GREM2: variants seen among roughly 807,000 people sequenced by gnomAD.
GREM2 encodes gremlin 2, DAN family BMP antagonist.
In GREM2, 11 loss-of-function variants were observed where a neutral mutation model predicts 14.2. The ratio of observed to expected loss-of-function variants is 0.78; its 90% CI spans 0.49 to 1.28. GREM2 has a LOEUF of 1.28. Among genes scored for constraint, GREM2 ranks in the 50% most tolerant of loss-of-function variants. GREM2 has a pLI of 0.00. For missense variants in GREM2, 210 were observed against 218.5 expected (o/e 0.96, Z 0.24); for synonymous variants, 98 against 97.6 (o/e 1.00, Z -0.02).
chr1:240,565,527 G>A (rs1656192617), intron 1 of GREM2, among the ~76,000 whole-genome samples: 1 of 151,924 alleles, frequency 6.6e-6, no homozygotes, highest in Admixed American at 6.6e-5. Flanking sequence ...GGTCTGTTGG[G>A]TACGATCATT....
At chr1:240,544,124 T>G (rs895238261) in intron 1 of GREM2, among the ~76,000 whole-genome samples, 1 of 151,352 alleles carries the variant, frequency 6.6e-6, no homozygotes, top group Non-Finnish European at 1.5e-5. Context: ...AGAAAGACTG[T>G]GCATAGATTA....
chr1:240,569,198 A>G (rs1309164128), intron 1 of GREM2, among the ~76,000 whole-genome samples: 1 of 152,264 alleles, frequency 6.6e-6, no homozygotes, highest in Non-Finnish European at 1.5e-5. Flanking sequence ...GAGAAATTAA[A>G]GAAGACTTAA....
At chr1:240,598,638 G>T (rs545147337) in intron 1 of GREM2, among the ~76,000 whole-genome samples, 35 of 152,150 alleles carry the variant, frequency 2.3e-4, no homozygotes, top group Non-Finnish European at 3.4e-4. Context: ...TTAGGAGTTA[G>T]TTTTTTTTAT....
rs1677258102 is a variant in GREM2 at position 240,491,800 on chromosome 1, C to T, written c.*1169G>A. On this transcript the variant is annotated 3_prime_UTR_variant, in exon 2 of 2. Coordinates refer to ENST00000318160, the MANE Select transcript of GREM2 (RefSeq NM_022469.4). ...AGTATACGGTTTCACCCCACATATG[C>T]ATATTCCACATTATAGGGGCTTTCT... 6.5e-6 allele frequency: 1 copy of T among 152,726 alleles called. No individual in the cohort carries two copies. The allele number at this position is 152,726 out of a possible 1,614,324, so 9.5% of individuals were successfully genotyped here.
At chr1:240,539,012 A>G (rs1332237590) in intron 1 of GREM2, among the ~76,000 whole-genome samples, 2 of 152,182 alleles carry the variant, frequency 1.3e-5, no homozygotes, top group African/African-American at 2.4e-5. Flanking sequence ...GACATCCACC[A>G]TGGGTTGATG....
In GREM2 at chr1:240,542,739, T is replaced by C. The variant is rs1220388180; in HGVS notation, c.-1-49263A>G. Among the ~76,000 whole-genome samples, 1 of 152,202 alleles carries C rather than the reference T, an allele frequency of 6.6e-6. No individual in the cohort carries two copies. The highest frequency in any genetic ancestry group is 2.4e-5 in the African/African-American group (1 of 41,450). ...TGACAGAATTTGAATTATCTGATGGTTTGGCATAAGAAGATTATGAATCAA... is the reference window on the plus strand; with the variant it reads ...TGACAGAATTTGAATTATCTGATGGCTTGGCATAAGAAGATTATGAATCAA... On this transcript the variant is annotated intron_variant, in intron 1 of 1. Coordinates refer to ENST00000318160, the MANE Select transcript of GREM2 (RefSeq NM_022469.4). The surrounding 1 kb of genome is among the most constrained non-coding windows in gnomAD (Gnocchi z 4.1).
intron 1 of GREM2, among the ~76,000 whole-genome samples, chr1:240,516,267 T>C (rs1677954081): frequency 6.6e-6 from 1 of 152,066 alleles, no homozygotes; most frequent in Non-Finnish European, 1.5e-5. Context: ...AGTTCAACCC[T>C]GACTCTTAGT....
At position 240,540,794 on chromosome 1, in the gene GREM2, C is replaced by A. The variant is rs1338480146; in HGVS notation, c.-1-47318G>T. ...ACCAGGGTGGTCTTGATCTACTGACCTCGTGATCTGCCTGCCTCGGCCTCC... is the reference window on the plus strand; with the variant it reads ...ACCAGGGTGGTCTTGATCTACTGACATCGTGATCTGCCTGCCTCGGCCTCC... On this transcript the variant is annotated intron_variant, in intron 1 of 1. Coordinates refer to ENST00000318160, the MANE Select transcript of GREM2 (RefSeq NM_022469.4). This position sits in a 1 kb window ranked among gnomAD's most constrained non-coding sequence, Gnocchi z 4.2. 6.6e-6 allele frequency among the ~76,000 whole-genome samples: 1 copy of A among 152,078 alleles called. No individual in the cohort carries two copies. Among genetic ancestry groups the A allele is most frequent in the East Asian group, 1.9e-4 (1 of 5,172 alleles).
chr1:240,582,067 C>T (rs1679496044), intron 1 of GREM2, among the ~76,000 whole-genome samples: 1 of 152,208 alleles, frequency 6.6e-6, no homozygotes, highest in Non-Finnish European at 1.5e-5. Context: ...AGGTGACTTT[C>T]CAACAAGTGT....
At chr1:240,591,584 C>CA (rs1679717590) in intron 1 of GREM2, among the ~76,000 whole-genome samples, 1 of 152,172 alleles carries the variant, frequency 6.6e-6, no homozygotes, top group Non-Finnish European at 1.5e-5. Flanking sequence ...CCCACATCTC[C>CA]CACCTTCAAC....
chr1:240,610,712 G>A (rs1680115402), intron 1 of GREM2, among the ~76,000 whole-genome samples: 2 of 152,186 alleles, frequency 1.3e-5, no homozygotes, highest in South Asian at 2.1e-4. Context: ...GACTCCACTG[G>A]GAAGAGTGCT....
intron 1 of GREM2, among the ~76,000 whole-genome samples, chr1:240,583,442 C>T (rs1356394805): frequency 4.6e-5 from 7 of 152,062 alleles, no homozygotes; most frequent in African/African-American, 1.2e-4. Flanking sequence ...CAAATGTACA[C>T]GATGTCAGTG....
At chr1:240,557,605 A>C (rs1201099447) in intron 1 of GREM2, among the ~76,000 whole-genome samples, 1 of 152,198 alleles carries the variant, frequency 6.6e-6, no homozygotes, top group African/African-American at 2.4e-5. Context: ...ATTCATTTAC[A>C]ATCTATTAAT....
At position 240,542,321 on chromosome 1, in the gene GREM2, C is replaced by T. The variant is rs988604244; in HGVS notation, c.-1-48845G>A. Reference sequence around the variant, plus strand: ...CATTTTAATTTCTAAGGAGCTGAGCCGGGCACGGTGGCTCACGGCTCACGT... The same window carrying T: ...CATTTTAATTTCTAAGGAGCTGAGCTGGGCACGGTGGCTCACGGCTCACGT... On this transcript the variant is annotated intron_variant, in intron 1 of 1. Coordinates refer to ENST00000318160, the MANE Select transcript of GREM2 (RefSeq NM_022469.4). This position sits in a 1 kb window ranked among gnomAD's most constrained non-coding sequence, Gnocchi z 4.1. Among the ~76,000 whole-genome samples the T allele has an allele frequency of 1.5e-4, 23 of 151,984 alleles. No homozygotes were observed. The highest frequency in any genetic ancestry group is 2.6e-4 in the Admixed American group (4 of 15,252).
chr1:240,595,032 C>G (rs1333485187), intron 1 of GREM2, among the ~76,000 whole-genome samples: 2 of 152,170 alleles, frequency 1.3e-5, no homozygotes, highest in African/African-American at 4.8e-5. Flanking sequence ...ATGTGGCACA[C>G]GACTGTATAA....
chr1:240,531,561 A>G, intron 1 of GREM2: 7 of 821,736 alleles, frequency 8.5e-6, no homozygotes, highest in Non-Finnish European at 1.0e-5. Flanking sequence ...AGCTTCCCAA[A>G]CAAAGGAAAT....
intron 1 of GREM2, among the ~76,000 whole-genome samples, chr1:240,573,289 C>T (rs867258506): frequency 1.3e-5 from 2 of 151,940 alleles, no homozygotes; most frequent in South Asian, 2.1e-4. Flanking sequence ...AATGAGACCT[C>T]GTCTCTATTT....
intron 1 of GREM2, among the ~76,000 whole-genome samples, chr1:240,566,606 A>C (rs908345981): frequency 6.6e-6 from 1 of 152,184 alleles, no homozygotes; most frequent in African/African-American, 2.4e-5. Flanking sequence ...GATTCGGCTG[A>C]ATCTGATCAA....
At chr1:240,582,928 A>G (rs2103379332) in intron 1 of GREM2, among the ~76,000 whole-genome samples, 1 of 152,266 alleles carries the variant, frequency 6.6e-6, no homozygotes, top group East Asian at 1.9e-4. Flanking sequence ...TTCTCAGAAA[A>G]CTATTTCTGG....
Sources: allele counts gnomAD v4.1 joint callset (sites outside exome capture counted in the v4.1 genomes callset), GRCh38; gene constraint gnomAD v4.1.1; non-coding constraint Gnocchi (gnomAD v3.1); transcripts MANE v1.5; gene names NCBI Gene and HGNC (gene_info 2026-07-23, HGNC 2026-07-21).